The following CNTNAP2 variants were observed in gnomAD, a reference collection of about 807,000 sequenced individuals.
CNTNAP2 encodes contactin associated protein 2.
CNTNAP2 carries 98 observed loss-of-function variants against 155.2 expected under a neutral mutation model. That is an observed-to-expected ratio of 0.63 (90% CI 0.54 to 0.75). CNTNAP2 has a LOEUF of 0.75. Among genes scored for constraint, CNTNAP2 ranks in the 30% least tolerant of loss-of-function variants. CNTNAP2 has a pLI of 0.00. For synonymous variants in CNTNAP2, 651 were observed against 631.2 expected, an observed-to-expected ratio of 1.03 and a Z score of -0.47; for missense variants, 1,727 against 1,688.1, an observed-to-expected ratio of 1.02 and a Z score of -0.40.
intron 20 of CNTNAP2, among the ~76,000 whole-genome samples, chr7:148,266,438 G>A (rs1022162169): frequency 7.2e-5 from 11 of 152,132 alleles, no homozygotes; most frequent in Non-Finnish European, 1.3e-4. Context: ...AGAAACGTGC[G>A]TCGCTTCCGT....
intron 15 of CNTNAP2, among the ~76,000 whole-genome samples, chr7:148,108,255 C>G (rs978986748): frequency 3.3e-5 from 5 of 152,118 alleles, no homozygotes; most frequent in African/African-American, 1.2e-4. Flanking sequence ...GGTCCCTCCT[C>G]CTTTCATCAG....
At chr7:147,241,622 C>T (rs1803938969) in intron 8 of CNTNAP2, among the ~76,000 whole-genome samples, 4 of 145,630 alleles carry the variant, frequency 2.7e-5, no homozygotes, top group Middle Eastern at 3.6e-3. Flanking sequence ...AGCAAGACTC[C>T]GTCTCAAAAA....
At chr7:147,432,464 A>G (rs962707588) in intron 10 of CNTNAP2, among the ~76,000 whole-genome samples, 1 of 152,218 alleles carries the variant, frequency 6.6e-6, no homozygotes, top group Admixed American at 6.5e-5. Flanking sequence ...GTATGCCCAA[A>G]GTGTATGACA....
intron 1 of CNTNAP2, among the ~76,000 whole-genome samples, chr7:146,742,653 TGAA>T (rs1252093029): frequency 1.3e-5 from 2 of 152,030 alleles, no homozygotes; most frequent in African/African-American, 2.4e-5. Context: ...TCAGAGGGAA[TGAA>T]GAAGATTTAA....
intron 13 of CNTNAP2, among the ~76,000 whole-genome samples, chr7:147,644,767 T>A (rs1427080436): frequency 6.6e-6 from 1 of 152,226 alleles, no homozygotes; most frequent in Admixed American, 6.5e-5. Context: ...GGACAAGAAC[T>A]ATTATGCTGC....
chr7:146,134,090 T>C (rs2116742263), intron 1 of CNTNAP2, among the ~76,000 whole-genome samples: 1 of 149,888 alleles, frequency 6.7e-6, no homozygotes, highest in South Asian at 2.1e-4. Context: ...TTTATTTCCT[T>C]GAGCAGTGGT....
At chr7:147,896,395 T>C (rs1799777085) in intron 13 of CNTNAP2, among the ~76,000 whole-genome samples, 1 of 151,564 alleles carries the variant, frequency 6.6e-6, no homozygotes, top group African/African-American at 2.4e-5. Flanking sequence ...GACAGGGGAG[T>C]TGCAATAGAG....
At chr7:146,483,345 AAG>A (rs1797007664) in intron 1 of CNTNAP2, among the ~76,000 whole-genome samples, 1 of 134,980 alleles carries the variant, frequency 7.4e-6, no homozygotes, top group Non-Finnish European at 1.6e-5. Flanking sequence ...ATATATATTT[AAG>A]CACAGAGTTG....
At chr7:148,166,476 T>G (rs1805661581) in intron 17 of CNTNAP2, among the ~76,000 whole-genome samples, 2 of 141,236 alleles carry the variant, frequency 1.4e-5, no homozygotes, top group South Asian at 4.5e-4. Flanking sequence ...AAGTTCTGAA[T>G]TTGAGGACAG....
chr7:147,772,275 C>T (rs150387826), intron 13 of CNTNAP2, among the ~76,000 whole-genome samples: 2,009 of 150,892 alleles, frequency 0.013, 101 homozygotes, highest in Admixed American at 0.089. Context: ...AATACAAAAA[C>T]CAGCCTGGCA....
intron 1 of CNTNAP2, among the ~76,000 whole-genome samples, chr7:146,352,365 G>A (rs1352789392): frequency 2.0e-5 from 3 of 152,000 alleles, no homozygotes; most frequent in Non-Finnish European, 4.4e-5. Context: ...TGATGTAATT[G>A]ATTAAAAATA....
At chr7:147,249,558 TTGAA>T (rs1804141315) in intron 8 of CNTNAP2, among the ~76,000 whole-genome samples, 1 of 120,966 alleles carries the variant, frequency 8.3e-6, no homozygotes, top group Non-Finnish European at 1.7e-5. Context: ...GGAAAGTCCT[TTGAA>T]TAACATAAAT....
At chr7:147,006,520 G>A (rs1010377026) in intron 3 of CNTNAP2, among the ~76,000 whole-genome samples, 38 of 152,088 alleles carry the variant, frequency 2.5e-4, no homozygotes, top group African/African-American at 8.9e-4. Context: ...TTTTGGGGTT[G>A]CATATTATGA....
intron 6 of CNTNAP2, among the ~76,000 whole-genome samples, chr7:147,127,444 C>T (rs2129284153): frequency 6.6e-6 from 1 of 151,930 alleles, no homozygotes; most frequent in Admixed American, 6.6e-5. Flanking sequence ...AGTACTTAAG[C>T]ATTTAAGATG....
At chr7:147,185,049 C>T (rs146932984) in intron 8 of CNTNAP2, among the ~76,000 whole-genome samples, 73 of 152,074 alleles carry the variant, frequency 4.8e-4, no homozygotes, top group Non-Finnish European at 6.2e-4. Context: ...CCCTGTAAAC[C>T]AGGAGGACAT....
intron 4 of CNTNAP2, among the ~76,000 whole-genome samples, chr7:147,063,548 A>G (rs1161471077): frequency 6.6e-6 from 1 of 152,106 alleles, no homozygotes; most frequent in African/African-American, 2.4e-5. Flanking sequence ...TGCCCAGTGG[A>G]ACTATGAAGG....
At chr7:147,709,189 C>T (rs1195945958) in intron 13 of CNTNAP2, among the ~76,000 whole-genome samples, 1 of 152,126 alleles carries the variant, frequency 6.6e-6, no homozygotes, top group Non-Finnish European at 1.5e-5. Flanking sequence ...AATGATGGTA[C>T]AAGGGCCAGG....
intron 15 of CNTNAP2, among the ~76,000 whole-genome samples, chr7:147,996,061 C>T (rs370447779): frequency 3.9e-4 from 59 of 152,348 alleles, no homozygotes; most frequent in African/African-American, 1.1e-3. Context: ...TATGTTTCTA[C>T]GTGCTAGCGA....
chr7:148,012,019 T>A (rs1274967583), intron 15 of CNTNAP2, among the ~76,000 whole-genome samples: 1 of 152,208 alleles, frequency 6.6e-6, no homozygotes, highest in Non-Finnish European at 1.5e-5. Flanking sequence ...GATAAAGGAA[T>A]GTCCCCAGTT....
Sources: allele counts gnomAD v4.1 joint callset (sites outside exome capture counted in the v4.1 genomes callset), GRCh38; gene constraint gnomAD v4.1.1; transcripts MANE v1.5; gene names NCBI Gene and HGNC (gene_info 2026-07-23, HGNC 2026-07-21).